The following DNAAF9 variants were observed in gnomAD, a reference collection of about 807,000 sequenced individuals.
DNAAF9 encodes the protein dynein axonemal assembly factor 9.
In DNAAF9, 90 loss-of-function variants were observed where a neutral mutation model predicts 167.0. That is an observed-to-expected ratio of 0.54 (90% confidence interval 0.45 to 0.64). The LOEUF is 0.64. DNAAF9 is among the 30% of genes least tolerant of loss of function. The pLI, the probability that DNAAF9 is intolerant of heterozygous loss-of-function variation, is 0.00. For synonymous variants in DNAAF9, 491 were observed against 508.8 expected, an observed-to-expected ratio of 0.96 and a Z score of 0.47; for missense variants, 1,315 against 1,442.2, an observed-to-expected ratio of 0.91 and a Z score of 1.43.
At chr20:3,316,602 GAAC>G (rs1162461093) in intron 18 of DNAAF9, 118 bp downstream of exon 18, 4 of 616,914 alleles carry the variant, frequency 6.5e-6, no homozygotes, top group Non-Finnish European at 1.2e-5. Context: ...TTCCATTCCT[GAAC>G]AACAGCTAGT....
At chr20:3,392,534 C>G (rs2083840992) in intron 1 of DNAAF9, among the ~76,000 whole-genome samples, 1 of 152,194 alleles carries the variant, frequency 6.6e-6, no homozygotes, top group African/African-American at 2.4e-5. Context: ...TGAACTTTTT[C>G]TTTCTGCTGA....
chr20:3,297,317 G>A (rs149476862), intron 22 of DNAAF9, among the ~76,000 whole-genome samples: 2 of 152,238 alleles, frequency 1.3e-5, no homozygotes, highest in African/African-American at 2.4e-5. Context: ...CTAAAGAGCC[G>A]TCTTTATTTT....
Position 3,255,289 on chromosome 20 carries a change from A to C in DNAAF9, c.3262-5T>G, listed in dbSNP as rs1447894011. 1 of 1,544,810 alleles carries C rather than the reference A, an allele frequency of 6.5e-7. No homozygotes were observed. On this transcript the variant is annotated splice_region_variant and splice_polypyrimidine_tract_variant and intron_variant, in intron 34 of 36. Coordinates refer to ENST00000252032, the MANE Select transcript of DNAAF9 (RefSeq NM_001009984.3). ...CAGGGCTTTCCTCTGAGGCTTCTGC[A>C]GAGATGGGGAGTGGAGGGTCAGGTC...
rs2068205935 is a variant in DNAAF9, at chr20:3,252,307, G to T, written c.*265C>A. 3.0e-6 allele frequency: 1 copy of T among 337,150 alleles called. No homozygotes were observed. The highest frequency in any genetic ancestry group is 5.5e-6 in the Non-Finnish European group (1 of 180,954). 20.9% of individuals were successfully genotyped at this position (337,150 alleles called of 1,614,324 possible). ...CTGTTATCAGAAACCCAGAGCTCCT[G>T]GACTGCCAGTTGCACACGTAGACGG... On this transcript the variant is annotated 3_prime_UTR_variant, in exon 37 of 37. Coordinates refer to ENST00000252032, the MANE Select transcript of DNAAF9 (RefSeq NM_001009984.3).
At chr20:3,344,065 G>A (rs1291245779) in intron 8 of DNAAF9, among the ~76,000 whole-genome samples, 1 of 152,164 alleles carries the variant, frequency 6.6e-6, no homozygotes. Flanking sequence ...TTAATGTACA[G>A]TGTTTACTGC....
In DNAAF9 at chr20:3,358,654, T is replaced by C. The variant is rs1041575687; in HGVS notation, c.690+862A>G. ...GAAAGACAATTTTTGAAACTGTATCTTTTCCTTATTATTCTTTTACTTTAT... is the reference window on the plus strand; with the variant it reads ...GAAAGACAATTTTTGAAACTGTATCCTTTCCTTATTATTCTTTTACTTTAT... On this transcript the variant is annotated intron_variant, in intron 7 of 36. Transcript: ENST00000252032. 1.3e-5 allele frequency among the ~76,000 whole-genome samples: 2 copies of C among 152,296 alleles called. 1 individual carries two copies. The highest frequency in any genetic ancestry group is 4.1e-4 in the South Asian group (2 of 4,822).
At chr20:3,337,444 T>G (rs1339560284) in intron 10 of DNAAF9, among the ~76,000 whole-genome samples, 1 of 150,472 alleles carries the variant, frequency 6.6e-6, no homozygotes, top group Non-Finnish European at 1.5e-5. Flanking sequence ...TTTTTTGTTT[T>G]TTTTTTTTTT....
chr20:3,302,340 C>T (rs1337872496), intron 21 of DNAAF9, among the ~76,000 whole-genome samples: 3 of 152,032 alleles, frequency 2.0e-5, no homozygotes, highest in Non-Finnish European at 4.4e-5. Flanking sequence ...ATGATTACAT[C>T]AGGGTAATGA....
chr20:3,283,039 T>C (rs6051709), intron 27 of DNAAF9, among the ~76,000 whole-genome samples: 31,306 of 152,184 alleles, frequency 0.21, 3,526 homozygotes, highest in African/African-American at 0.28. Context: ...TAATCTCTGC[T>C]GCCTAAAGCA....
At position 3,322,258 on chromosome 20, in the gene DNAAF9, C is replaced by T. The variant is rs759402118; in HGVS notation, c.1315G>A (p.Val439Ile). Residue 439 changes from valine (V) to isoleucine (I), a missense_variant, in exon 16 of 37, where the codon GTA (valine) becomes ATA (isoleucine). Coordinates refer to ENST00000252032, the MANE Select transcript of DNAAF9 (RefSeq NM_001009984.3). ...AAGCTATCTTCACTGTCCAGCGGTACAATTCTAGGAGGGGAAAGAGATGGA... is the reference window on the plus strand; with the variant it reads ...AAGCTATCTTCACTGTCCAGCGGTATAATTCTAGGAGGGGAAAGAGATGGA... ...IHAVNNQGRIVPLDSEDSLSF... is the reference protein window; with the variant it reads ...IHAVNNQGRIIPLDSEDSLSF... 1.4e-5 allele frequency: 22 copies of T among 1,606,942 alleles called. No individual in the cohort carries two copies. Among genetic ancestry groups the T allele is most frequent in the Middle Eastern group, 3.3e-4 (2 of 6,052 alleles).
intron 9 of DNAAF9, among the ~76,000 whole-genome samples, chr20:3,341,226 C>T (rs936411573): frequency 3.9e-5 from 6 of 152,114 alleles, no homozygotes; most frequent in African/African-American, 1.4e-4. Context: ...AGTCATTTCA[C>T]CCAGAGAGTT....
chr20:3,306,290 C>A (rs1179256425), intron 20 of DNAAF9, among the ~76,000 whole-genome samples: 1 of 152,140 alleles, frequency 6.6e-6, no homozygotes, highest in Non-Finnish European at 1.5e-5. Flanking sequence ...TGTCACTGAG[C>A]CTTCACAGTC....
At chr20:3,334,618 G>A (rs545667092) in intron 10 of DNAAF9, among the ~76,000 whole-genome samples, 3 of 152,278 alleles carry the variant, frequency 2.0e-5, no homozygotes, top group Admixed American at 6.5e-5. Flanking sequence ...GTTTTGTAAG[G>A]AAATGCCAAA....
intron 1 of DNAAF9, among the ~76,000 whole-genome samples, chr20:3,407,021 T>C (rs1356728753): frequency 2.0e-5 from 3 of 151,920 alleles, no homozygotes; most frequent in Admixed American, 1.3e-4. Context: ...GAGGGAGCTA[T>C]TGTGTGTGTG....
chr20:3,303,238 T>C (rs1264272045), intron 21 of DNAAF9, among the ~76,000 whole-genome samples: 1 of 145,546 alleles, frequency 6.9e-6, no homozygotes, highest in Non-Finnish European at 1.5e-5. Context: ...CGAGACTCTG[T>C]CTCAAAAAAA....
At chr20:3,333,241 T>C (rs756561602) in intron 10 of DNAAF9, among the ~76,000 whole-genome samples, 1 of 152,198 alleles carries the variant, frequency 6.6e-6, no homozygotes, top group Non-Finnish European at 1.5e-5. Context: ...ATTTTTATTC[T>C]TCTTCCCTGT....
intron 1 of DNAAF9, among the ~76,000 whole-genome samples, chr20:3,390,710 G>A (rs1359342258): frequency 6.6e-6 from 1 of 152,074 alleles, no homozygotes; most frequent in East Asian, 1.9e-4. Context: ...ATAAAAATAC[G>A]GGGGTGAGAG....
intron 1 of DNAAF9, among the ~76,000 whole-genome samples, chr20:3,396,366 CATT>C (rs1460938580): frequency 7.2e-5 from 11 of 152,302 alleles, no homozygotes; most frequent in African/African-American, 2.6e-4. Flanking sequence ...TATTTCAACT[CATT>C]AATTCATCAA....
chr20:3,313,017 G>A (rs1181255789), intron 20 of DNAAF9, among the ~76,000 whole-genome samples: 1 of 152,176 alleles, frequency 6.6e-6, no homozygotes, highest in Non-Finnish European at 1.5e-5. Context: ...AATCTTGCTG[G>A]ATAACTCAAT....
Sources: gnomAD v4.1 joint callset for allele counts (sites outside exome capture counted in the v4.1 genomes callset) on GRCh38, gnomAD v4.1.1 for gene constraint, MANE v1.5 for transcripts, NCBI Gene and HGNC (gene_info 2026-07-23, HGNC 2026-07-21) for gene names.